Variants in NOD2 observed in about 807,000 individuals in gnomAD.
The protein encoded by NOD2 is nucleotide-binding oligomerization domain-containing protein 2.
A neutral mutation model predicts 90.9 loss-of-function variants in NOD2; 86 were observed. That is an observed-to-expected ratio of 0.95 (90% CI 0.79 to 1.13). NOD2 has a LOEUF of 1.13. Ranked by LOEUF, NOD2 falls within the 50% of genes most tolerant of loss-of-function variation. NOD2 has a pLI of 0.00. For missense variants in NOD2, 1,238 were observed against 1,283.8 expected (o/e 0.96, Z 0.55); for synonymous variants, 581 against 554.6 (o/e 1.05, Z -0.67).
intron 6 of NOD2, among the ~76,000 whole-genome samples, chr16:50,718,281 C>T (rs1964887233): frequency 6.6e-6 from 1 of 152,162 alleles, no homozygotes. Context: ...CCAGAGATCC[C>T]TAATCTTTGA....
chr16:50,714,724 G>A (rs540256876), intron 4 of NOD2, among the ~76,000 whole-genome samples: 42 of 151,602 alleles, frequency 2.8e-4, no homozygotes, highest in Middle Eastern at 3.4e-3. Context: ...GTGCCAACCT[G>A]CCTCTCTCCC....
intron 2 of NOD2, among the ~76,000 whole-genome samples, chr16:50,706,358 G>A (rs143767182): frequency 6.6e-5 from 10 of 152,334 alleles, no homozygotes; most frequent in Non-Finnish European, 1.0e-4. Flanking sequence ...CTATTGGGAC[G>A]TTTGTACAGG....
chr16:50,710,893 G>C lies in NOD2; in HGVS notation c.901G>C (p.Val301Leu). 1 of 1,614,134 alleles carries C rather than the reference G, an allele frequency of 6.2e-7. No homozygotes were observed. ...GCAAGACTTCCAGGAATTTCTCTTT[G>C]TCTTCCCATTCAGCTGCCGGCAGCT... ...AGQDFQEFLF[V>L]FPFSCRQLQC... is the part of the protein sequence containing the mutation. The change falls in exon 4 of 12, where the codon GTC becomes CTC. Residue 301 changes from valine to leucine, a missense_variant. Val to Leu is a conservative substitution (Grantham distance 32). Around this residue, in one of 3 missense-constraint regions of NOD2, gnomAD observed 567 missense variants for 577.3 expected, o/e 0.98. Coordinates refer to ENST00000647318, the MANE Select transcript of NOD2 (RefSeq NM_001370466.1).
At chr16:50,722,807 C>T in intron 8 of NOD2, 102 bp downstream of exon 8, 1 of 1,001,858 alleles carries the variant, frequency 1.0e-6, no homozygotes, top group Non-Finnish European at 1.6e-6. Context: ...TTCTACCCCA[C>T]AATGTTAGGC....
chr16:50,717,924 A>G (rs1964872844), intron 6 of NOD2, among the ~76,000 whole-genome samples: 2 of 152,238 alleles, frequency 1.3e-5, no homozygotes, highest in African/African-American at 4.8e-5. Flanking sequence ...GCCTGAAACC[A>G]TGGAGAGTAT....
intron 3 of NOD2, among the ~76,000 whole-genome samples, chr16:50,708,270 G>A (rs1405700947): frequency 2.0e-5 from 3 of 152,130 alleles, no homozygotes; most frequent in Non-Finnish European, 2.9e-5. Context: ...TATCTGTACC[G>A]AAAAGATATG....
chr16:50,711,180 G>A lies in NOD2; in HGVS notation c.1188G>A (p.Val396=), dbSNP rs77966199. 2.4e-5 allele frequency: 39 copies of A among 1,614,106 alleles called. No individual in the cohort carries two copies. In the East Asian group the frequency reaches 8.5e-4, roughly 35 times the overall value. ...TGCTGAAGAATGCCCGCAAGGTGGT[G>A]ACCAGCCGTCCGGCCGCTGTGTCGG... is the stretch of plus-strand genomic sequence containing the variant. ...GNLLKNARKV[V]TSRPAAVSAF... Residue 396 remains valine, a synonymous_variant, in exon 4 of 12, where the codon GTG becomes GTA. Coordinates refer to ENST00000647318, the MANE Select transcript of NOD2 (RefSeq NM_001370466.1).
rs757569784 is a variant in NOD2 at position 50,698,516 on chromosome 16, G to A, written c.-8-972G>A. Reference sequence around the variant, plus strand: ...AGCAATATTCTGAGTCTACCCCTTGGAGTAGCAGTGTGCAAAACACACAGC... The same window carrying A: ...AGCAATATTCTGAGTCTACCCCTTGAAGTAGCAGTGTGCAAAACACACAGC... On this transcript the variant is annotated intron_variant, in intron 1 of 11. Coordinates refer to ENST00000647318, the MANE Select transcript of NOD2 (RefSeq NM_001370466.1). 4.1e-4 allele frequency among the ~76,000 whole-genome samples: 63 copies of A among 152,330 alleles called. 1 individual carries two copies. Among genetic ancestry groups the A allele is most frequent in the Non-Finnish European group, 4.9e-4 (33 of 68,026 alleles).
At chr16:50,708,095 A>G (rs1964284081) in intron 3 of NOD2, 135 bp downstream of exon 3, 1 of 717,118 alleles carries the variant, frequency 1.4e-6, no homozygotes, top group Non-Finnish European at 2.6e-6. Flanking sequence ...TCCTTGTTTT[A>G]AGGCTAGCAC....
At position 50,697,320 on chromosome 16, in the gene NOD2, A is replaced by G; in HGVS notation, c.-8-2168A>G. 4 of 1,555,232 alleles carry G rather than the reference A, an allele frequency of 2.6e-6. No homozygotes were observed. The highest frequency in any genetic ancestry group is 3.5e-6 in the Non-Finnish European group (4 of 1,148,610). On this transcript the variant is annotated intron_variant, in intron 1 of 11. Coordinates refer to ENST00000647318, the MANE Select transcript of NOD2 (RefSeq NM_001370466.1). ...GTCCTCCTCGGACATTCTCCGGGTAAGAGGAGCAGGCATTGTCCCGTCCCA... is the reference window on the plus strand; with the variant it reads ...GTCCTCCTCGGACATTCTCCGGGTAGGAGGAGCAGGCATTGTCCCGTCCCA...
chr16:50,719,816 G>A (rs777995278), intron 6 of NOD2, 109 bp from the exon 7 acceptor site: 71 of 967,108 alleles, frequency 7.3e-5, no homozygotes, highest in Non-Finnish European at 2.4e-5. Flanking sequence ...GCTGCCTCCC[G>A]GGCAGGTCTT....
chr16:50,705,975 T>C (rs1215745213), intron 2 of NOD2, among the ~76,000 whole-genome samples: 1 of 152,116 alleles, frequency 6.6e-6, no homozygotes, highest in Non-Finnish European at 1.5e-5. Flanking sequence ...ATAAGTGCTG[T>C]AGAAAGTAAG....
intron 2 of NOD2, 115 bp from the exon 3 acceptor site, chr16:50,707,740 G>T (rs76043235): frequency 9.9e-6 from 8 of 804,346 alleles, no homozygotes; most frequent in Non-Finnish European, 1.8e-5. Flanking sequence ...TTGTTTTTTT[G>T]ACCTTTTATT....
intron 2 of NOD2, among the ~76,000 whole-genome samples, chr16:50,701,263 T>A (rs1963926339): frequency 6.6e-6 from 1 of 152,228 alleles, no homozygotes; most frequent in African/African-American, 2.4e-5. Context: ...CCATAAACAT[T>A]TGTTGATGAA....
intron 7 of NOD2, among the ~76,000 whole-genome samples, chr16:50,720,744 G>C (rs760036333): frequency 2.0e-5 from 3 of 152,164 alleles, no homozygotes; most frequent in African/African-American, 4.8e-5. Flanking sequence ...AATAACCTTA[G>C]GGCCTAGGTG....
chr16:50,727,728 C>A, intron 10 of NOD2: 1 of 355,114 alleles, frequency 2.8e-6, no homozygotes, highest in South Asian at 2.3e-5. Flanking sequence ...CGGGTGTTGT[C>A]GTGGAGAATT....
chr16:50,707,631 CTGTTTTAG>C (rs1260227563), intron 2 of NOD2, among the ~76,000 whole-genome samples: 1 of 152,144 alleles, frequency 6.6e-6, no homozygotes, highest in Admixed American at 6.5e-5. Context: ...CAGTTATTCA[CTGTTTTAG>C]TGAGTTTTGA....
chr16:50,699,564 G>A lies in NOD2; in HGVS notation c.69G>A (p.Leu23=), dbSNP rs1489763110. Residue 23 remains leucine, a synonymous_variant, in exon 2 of 12, where the codon CTG becomes CTA. Transcript: ENST00000647318. ...QLVELLVSGS[L]EGFESVLDWL... is the part of the protein sequence containing the mutation. ...TCGAGCTGCTGGTCTCAGGGTCCCT[G>A]GAAGGCTTCGAGAGTGTCCTGGACT... 9 of 1,614,054 alleles carry A rather than the reference G, an allele frequency of 5.6e-6. No homozygotes were observed. The highest frequency in any genetic ancestry group is 7.6e-6 in the Non-Finnish European group (9 of 1,179,974).
At chr16:50,723,652 G>A (rs1382369227) in intron 9 of NOD2, among the ~76,000 whole-genome samples, 1 of 152,202 alleles carries the variant, frequency 6.6e-6, no homozygotes, top group Admixed American at 6.5e-5. Context: ...TAAGAGCACA[G>A]ACTCTGTAAT....
Sources: gnomAD v4.1 joint callset for allele counts (sites outside exome capture counted in the v4.1 genomes callset) on GRCh38, gnomAD v4.1.1 for gene constraint, gnomAD v4.1.1 regional missense constraint, MANE v1.5 for transcripts, NCBI Gene and HGNC (gene_info 2026-07-23, HGNC 2026-07-21) for gene names.